SLC25A48: variants seen among roughly 807,000 people sequenced by gnomAD.
The protein encoded by SLC25A48 is solute carrier family 25 member 48.
A neutral mutation model predicts 32.2 loss-of-function variants in SLC25A48; 29 were observed. The ratio of observed to expected loss-of-function variants is 0.90; its 90% CI spans 0.67 to 1.23. The LOEUF is 1.23. Among genes scored for constraint, SLC25A48 ranks in the 50% most tolerant of loss-of-function variants. The pLI is 0.00. For synonymous variants in SLC25A48, 164 were observed against 172.3 expected, an observed-to-expected ratio of 0.95 and a Z score of 0.38; for missense variants, 399 against 422.7, an observed-to-expected ratio of 0.94 and a Z score of 0.49.
rs763215937 is a variant in SLC25A48 at position 135,730,369 on chromosome 5, AAG to A, written c.-520-82151_-520-82150del. Among the ~76,000 whole-genome samples, 8 of 152,250 alleles carry A rather than the reference AAG, an allele frequency of 5.3e-5. No homozygotes were observed. In the South Asian group the frequency reaches 1.5e-3, roughly 28 times the overall value. On this transcript the variant is annotated intron_variant, in intron 3 of 10. Transcript: ENST00000646290. The stretch of plus-strand genomic sequence containing the variant: ...TCTCACAAGATCTGATGGTTTTAAA[AAG>A]AGGCATTCCCCTGCACAAGCTCTCT...
At chr5:135,666,353 A>G (rs560439340) in intron 3 of SLC25A48, among the ~76,000 whole-genome samples, 1 of 152,354 alleles carries the variant, frequency 6.6e-6, no homozygotes, top group South Asian at 2.1e-4. Context: ...ACCAGGAAAT[A>G]GTGATGCAGT....
At chr5:135,597,676 G>C (rs1200133232) in intron 1 of SLC25A48, among the ~76,000 whole-genome samples, 1 of 152,184 alleles carries the variant, frequency 6.6e-6, no homozygotes, top group East Asian at 1.9e-4. Context: ...CTACAAAAGA[G>C]TCTAGGAGTC....
intron 1 of SLC25A48, among the ~76,000 whole-genome samples, chr5:135,597,137 T>C (rs548319989): frequency 4.5e-4 from 68 of 152,252 alleles, no homozygotes; most frequent in Non-Finnish European, 7.3e-4. Flanking sequence ...TAAGGTTGAT[T>C]TGAGGATTAA....
chr5:135,709,136 T>G (rs1262255576), intron 3 of SLC25A48, among the ~76,000 whole-genome samples: 2 of 152,130 alleles, frequency 1.3e-5, no homozygotes, highest in Non-Finnish European at 2.9e-5. Context: ...TTCATGACAG[T>G]AAAACAAAGA....
chr5:135,690,670 T>TC, intron 3 of SLC25A48, among the ~76,000 whole-genome samples: 1 of 152,148 alleles, frequency 6.6e-6, no homozygotes, highest in South Asian at 2.1e-4. Context: ...CACCCGCCCC[T>TC]CCCCATGAGA....
At chr5:135,746,731 A>G (rs1755651063) in intron 3 of SLC25A48, among the ~76,000 whole-genome samples, 2 of 152,284 alleles carry the variant, frequency 1.3e-5, no homozygotes, top group African/African-American at 2.4e-5. Context: ...ATGCAGTACT[A>G]TTAGTCAATA....
At chr5:135,664,525 G>A (rs1753476220) in intron 3 of SLC25A48, among the ~76,000 whole-genome samples, 1 of 152,130 alleles carries the variant, frequency 6.6e-6, no homozygotes, top group African/African-American at 2.4e-5. Flanking sequence ...AGATTTTGGT[G>A]CACCCTTCAC....
chr5:135,696,609 A>G (rs1462213561), intron 3 of SLC25A48, among the ~76,000 whole-genome samples: 2 of 152,174 alleles, frequency 1.3e-5, no homozygotes, highest in East Asian at 3.8e-4. Flanking sequence ...AATCCACACA[A>G]TGGAACTAGG....
chr5:135,639,537 G>T (rs1207533354), intron 3 of SLC25A48, among the ~76,000 whole-genome samples: 1 of 152,104 alleles, frequency 6.6e-6, no homozygotes, highest in Non-Finnish European at 1.5e-5. Flanking sequence ...GGGGAGAGTG[G>T]CTGCTCAGGG....
intron 3 of SLC25A48, among the ~76,000 whole-genome samples, chr5:135,646,231 C>T (rs867833682): frequency 6.7e-5 from 10 of 149,678 alleles, no homozygotes; most frequent in African/African-American, 2.0e-4. Context: ...TCACTGAGGA[C>T]GCTGCACACG....
intron 4 of SLC25A48, among the ~76,000 whole-genome samples, chr5:135,820,276 G>C (rs1757850731): frequency 1.3e-5 from 2 of 152,164 alleles, no homozygotes; most frequent in Non-Finnish European, 2.9e-5. Flanking sequence ...TAAAAACATA[G>C]TGCTGAATAT....
intron 7 of SLC25A48, among the ~76,000 whole-genome samples, chr5:135,884,826 TG>T (rs1017095732): frequency 1.3e-5 from 2 of 152,194 alleles, no homozygotes; most frequent in African/African-American, 4.8e-5. Context: ...GGTCTTCTAC[TG>T]GGTGCTCCTG....
At chr5:135,792,635 C>T (rs934173623) in intron 3 of SLC25A48, among the ~76,000 whole-genome samples, 1 of 151,804 alleles carries the variant, frequency 6.6e-6, no homozygotes, top group African/African-American at 2.4e-5. Context: ...GGATATTATT[C>T]GTAACATCCC....
chr5:135,756,969 TATG>T (rs1222884885), intron 3 of SLC25A48, among the ~76,000 whole-genome samples: 1 of 150,914 alleles, frequency 6.6e-6, no homozygotes, highest in Non-Finnish European at 1.5e-5. Flanking sequence ...GTTAACACAC[TATG>T]ATGTTAATAA....
chr5:135,650,587 C>A, intron 3 of SLC25A48: 1 of 342,370 alleles, frequency 2.9e-6, no homozygotes. Flanking sequence ...AGAACTCTTT[C>A]TTTCAAAGCA....
At chr5:135,730,585 G>C (rs1259121829) in intron 3 of SLC25A48, among the ~76,000 whole-genome samples, 21 of 152,202 alleles carry the variant, frequency 1.4e-4, no homozygotes, top group African/African-American at 5.1e-4. Context: ...TTTGGTACTA[G>C]TAGAGTGGAG....
intron 3 of SLC25A48, among the ~76,000 whole-genome samples, chr5:135,762,701 ATGAG>A (rs1416698125): frequency 6.6e-6 from 1 of 151,992 alleles, no homozygotes; most frequent in Non-Finnish European, 1.5e-5. Context: ...GGGAGTGAGA[ATGAG>A]TGTGTGCGTG....
intron 3 of SLC25A48, among the ~76,000 whole-genome samples, chr5:135,773,373 G>T (rs531021886): frequency 3.1e-4 from 47 of 150,740 alleles, no homozygotes; most frequent in Non-Finnish European, 5.3e-4. Context: ...TCATAGCGGG[G>T]TGTACACCCC....
chr5:135,881,922 G>T (rs1424605502), intron 7 of SLC25A48, among the ~76,000 whole-genome samples: 1 of 152,202 alleles, frequency 6.6e-6, no homozygotes, highest in Non-Finnish European at 1.5e-5. Context: ...CTACAAGATG[G>T]TTTTAATGCC....
Sources: gnomAD v4.1 joint callset for allele counts (sites outside exome capture counted in the v4.1 genomes callset) on GRCh38, gnomAD v4.1.1 for gene constraint, MANE v1.5 for transcripts, NCBI Gene and HGNC (gene_info 2026-07-23, HGNC 2026-07-21) for gene names.